The following FAM220A variants were observed in gnomAD, a reference collection of about 807,000 sequenced individuals.
FAM220A encodes the protein family with sequence similarity 220 member A.
For synonymous variants in FAM220A, 141 were observed against 130.7 expected, an observed-to-expected ratio of 1.08 and a Z score of -0.54; for missense variants, 392 against 321.6, an observed-to-expected ratio of 1.22 and a Z score of -1.68.
At chr7:6,337,194 C>G (rs957825494) in intron 1 of FAM220A, among the ~76,000 whole-genome samples, 2 of 152,118 alleles carry the variant, frequency 1.3e-5, no homozygotes, top group Admixed American at 1.3e-4. Flanking sequence ...GTTTCAGCCT[C>G]CCAAGTAGCT....
At chr7:6,348,174 T>G (rs1238064637) in intron 1 of FAM220A, among the ~76,000 whole-genome samples, 1 of 147,854 alleles carries the variant, frequency 6.8e-6, no homozygotes, top group Non-Finnish European at 1.5e-5. Context: ...CCTCCCAAAG[T>G]GCATTACAGG....
At chr7:6,331,884 G>A (rs888646394) in intron 1 of FAM220A, among the ~76,000 whole-genome samples, 1 of 151,834 alleles carries the variant, frequency 6.6e-6, no homozygotes. Context: ...GGGATTACAG[G>A]TGCCTGCCAC....
intron 1 of FAM220A, among the ~76,000 whole-genome samples, chr7:6,339,123 G>A (rs1278848815): frequency 6.6e-6 from 1 of 152,144 alleles, no homozygotes; most frequent in East Asian, 1.9e-4. Flanking sequence ...TGATCACAAG[G>A]AACACACTAA....
At chr7:6,344,997 T>C (rs1312902253) in intron 1 of FAM220A, among the ~76,000 whole-genome samples, 1 of 152,112 alleles carries the variant, frequency 6.6e-6, no homozygotes, top group Non-Finnish European at 1.5e-5. Context: ...TGCCTCAGCC[T>C]CTCAAAGTGC....
chr7:6,336,356 A>C (rs914613574), intron 1 of FAM220A, among the ~76,000 whole-genome samples: 1 of 151,144 alleles, frequency 6.6e-6, no homozygotes, highest in Non-Finnish European at 1.5e-5. Context: ...CTCAAAAAAG[A>C]AAAGAAAAAA....
intron 1 of FAM220A, among the ~76,000 whole-genome samples, chr7:6,337,081 T>G (rs566594062): frequency 8.8e-4 from 134 of 152,002 alleles, no homozygotes; most frequent in African/African-American, 3.1e-3. Flanking sequence ...TTCTTTTTTT[T>G]TTTTTGAGAC....
At chr7:6,333,651 A>AC (rs1389185094) in intron 1 of FAM220A, among the ~76,000 whole-genome samples, 1 of 148,118 alleles carries the variant, frequency 6.8e-6, no homozygotes, top group East Asian at 2.0e-4. Context: ...GGCAGGCACC[A>AC]CCACACCTGG....
intron 1 of FAM220A, among the ~76,000 whole-genome samples, chr7:6,340,153 G>A (rs926548216): frequency 3.9e-5 from 6 of 152,158 alleles, no homozygotes; most frequent in African/African-American, 1.4e-4. Context: ...CCAAAGTGCT[G>A]GGATTACAGG....
chr7:6,334,521 G>A (rs966827425), intron 1 of FAM220A, among the ~76,000 whole-genome samples: 1 of 152,086 alleles, frequency 6.6e-6, no homozygotes, highest in East Asian at 2.0e-4. Flanking sequence ...AGACTGAAGT[G>A]CAGTGGCAGG....
At chr7:6,346,804 A>C (rs1028554169) in intron 1 of FAM220A, among the ~76,000 whole-genome samples, 2 of 152,160 alleles carry the variant, frequency 1.3e-5, no homozygotes, top group African/African-American at 4.8e-5. Context: ...GATATGGCCA[A>C]ACCGACGTTA....
intron 1 of FAM220A, among the ~76,000 whole-genome samples, chr7:6,337,200 T>C (rs559755137): frequency 3.8e-4 from 58 of 152,206 alleles, no homozygotes; most frequent in African/African-American, 1.1e-3. Flanking sequence ...GCCTCCCAAG[T>C]AGCTGAGACT....
Position 6,348,963 on chromosome 7 carries a change from A to C in FAM220A, c.-472T>G, listed in dbSNP as rs377706391. 2 of 377,022 alleles carry C rather than the reference A, an allele frequency of 5.3e-6. No homozygotes were observed. The allele number at this position is 377,022 out of a possible 1,614,324, so 23.4% of individuals were successfully genotyped here. On this transcript the variant is annotated 5_prime_UTR_variant, in exon 1 of 2. Coordinates refer to ENST00000313324, the MANE Select transcript of FAM220A (RefSeq NM_001037163.2). ...GCCGCCTGTACCAGCCTGGCCGCGC[A>C]GCCTGACGTCACAAAGCCAGCCACG...
At chr7:6,331,952 G>A (rs566431237) in intron 1 of FAM220A, among the ~76,000 whole-genome samples, 3 of 151,480 alleles carry the variant, frequency 2.0e-5, no homozygotes, top group African/African-American at 7.3e-5. Context: ...CGCCATGTTG[G>A]CCAGGTGAAA....
At chr7:6,332,522 A>C (rs970477914) in intron 1 of FAM220A, among the ~76,000 whole-genome samples, 4 of 152,100 alleles carry the variant, frequency 2.6e-5, no homozygotes, top group East Asian at 1.9e-4. Flanking sequence ...CACTTAAAAA[A>C]CACCACCACC....
chr7:6,348,057 C>A (rs1781989793), intron 1 of FAM220A, among the ~76,000 whole-genome samples: 1 of 151,598 alleles, frequency 6.6e-6, no homozygotes, highest in East Asian at 1.9e-4. Flanking sequence ...ATTACAGGCA[C>A]GCGCCACCAC....
chr7:6,335,604 CTA>C, intron 1 of FAM220A, among the ~76,000 whole-genome samples: 2 of 152,132 alleles, frequency 1.3e-5, no homozygotes, highest in South Asian at 4.1e-4. Context: ...TTAACATTTT[CTA>C]TGTTTTATAA....
At chr7:6,348,240 G>T (rs907004914) in intron 1 of FAM220A, among the ~76,000 whole-genome samples, 2 of 150,722 alleles carry the variant, frequency 1.3e-5, no homozygotes, top group African/African-American at 4.9e-5. Context: ...TAAGGGGGGG[G>T]GTTGCAAAGT....
intron 1 of FAM220A, among the ~76,000 whole-genome samples, chr7:6,336,314 C>T (rs1781745156): frequency 1.3e-5 from 2 of 152,016 alleles, no homozygotes; most frequent in South Asian, 4.1e-4. Flanking sequence ...CACCACTATA[C>T]TCCAGCCTGC....
At chr7:6,334,142 A>G (rs974698812) in intron 1 of FAM220A, among the ~76,000 whole-genome samples, 17 of 150,656 alleles carry the variant, frequency 1.1e-4, no homozygotes, top group South Asian at 6.5e-4. Context: ...CACCGCACCC[A>G]GCCGAACTCC....
Sources: allele counts gnomAD v4.1 joint callset (sites outside exome capture counted in the v4.1 genomes callset), GRCh38; gene constraint gnomAD v4.1.1; transcripts MANE v1.5; gene names NCBI Gene and HGNC (gene_info 2026-07-23, HGNC 2026-07-21).